The following REL variants were observed in gnomAD, a reference collection of about 807,000 sequenced individuals.
REL encodes the protein REL proto-oncogene, NF-kB subunit, also known as proto-oncogene c-Rel.
Under a neutral mutation model 45.9 loss-of-function variants are expected in REL, and 15 were observed. The observed-to-expected ratio is 0.33, with a 90% CI of 0.22 to 0.50. The LOEUF is 0.50. Ranked by LOEUF, REL falls within the 20% of genes least tolerant of loss-of-function variation. The probability of loss-of-function intolerance (pLI) is 0.98; values close to 1 mark genes in which losing one functional copy is unlikely to be tolerated. For synonymous variants in REL, 239 were observed against 242.1 expected (o/e 0.99, Z 0.12); for missense variants, 601 against 715.2 (o/e 0.84, Z 1.82).
rs1674210627 is a variant in REL at position 60,924,043 on chromosome 2, T to A, written c.*1508T>A. On this transcript the variant is annotated 3_prime_UTR_variant, in exon 10 of 10. Transcript: ENST00000394479. ...TCAGTGCTCCTCAAAGCATCAAGTA[T>A]GCACTTGCCTTGGACAGTCTGTACT... 4.3e-6 allele frequency: 1 copy of A among 232,518 alleles called. No individual in the cohort carries two copies. The highest frequency in any genetic ancestry group is 2.2e-5 in the African/African-American group (1 of 45,294). 14.4% of individuals were successfully genotyped at this position (232,518 alleles called of 1,614,324 possible).
rs1674114312 is a variant in REL at position 60,920,554 on chromosome 2, GA to G, written c.923-15del. Reference sequence around the variant, plus strand: ...ATTTTTCAAATGACATTTAATAATGGAAAAACTTTATCCTAACAGTTAATTT... The same window carrying G: ...ATTTTTCAAATGACATTTAATAATGGAAAACTTTATCCTAACAGTTAATTT... On this transcript the variant is annotated intron_variant, in intron 8 of 9. Transcript: ENST00000394479. 3.9e-6 allele frequency: 6 copies of G among 1,557,990 alleles called. No individual in the cohort carries two copies. The highest frequency in any genetic ancestry group is 1.7e-5 in the Admixed American group (1 of 58,736).
chr2:60,906,541 C>G (rs1673655497), intron 4 of REL, among the ~76,000 whole-genome samples: 1 of 152,018 alleles, frequency 6.6e-6, no homozygotes, highest in Non-Finnish European at 1.5e-5. Context: ...AATCTGGAAG[C>G]CTTCCTTTCC....
intron 3 of REL, chr2:60,899,891 T>C (rs1214866430): frequency 6.6e-6 from 1 of 152,372 alleles, no homozygotes; most frequent in Non-Finnish European, 1.5e-5. Flanking sequence ...ATTAAACTTC[T>C]TTCTAATACA....
intron 4 of REL, among the ~76,000 whole-genome samples, chr2:60,905,295 C>T (rs779496783): frequency 1.3e-4 from 20 of 152,218 alleles, no homozygotes; most frequent in Middle Eastern, 6.8e-3. Flanking sequence ...GGGGTTTCAT[C>T]GTGTTAGCCA....
intron 1 of REL, among the ~76,000 whole-genome samples, chr2:60,884,306 C>G (rs1673018419): frequency 6.6e-6 from 1 of 151,898 alleles, no homozygotes; most frequent in African/African-American, 2.4e-5. Flanking sequence ...TAACATAAAT[C>G]ATAATCTTAT....
At chr2:60,897,663 T>C (rs1347664329) in intron 3 of REL, among the ~76,000 whole-genome samples, 1 of 152,044 alleles carries the variant, frequency 6.6e-6, no homozygotes, top group African/African-American at 2.4e-5. Context: ...CAGAGATTCT[T>C]GGTTCCTTCT....
Position 60,904,427 on chromosome 2 carries a change from C to T in REL, c.394+3344C>T, listed in dbSNP as rs929396304. On this transcript the variant is annotated intron_variant, in intron 4 of 9. Coordinates refer to ENST00000394479, the MANE Select transcript of REL (RefSeq NM_001291746.2). ...AATTAAAAAAAAAAAAAAAATTAGCCGGGCGTGGTGGCGCACACCTGTGAT... is the reference window on the plus strand; with the variant it reads ...AATTAAAAAAAAAAAAAAAATTAGCTGGGCGTGGTGGCGCACACCTGTGAT... Among the ~76,000 whole-genome samples, 23 of 149,476 alleles carry T rather than the reference C, an allele frequency of 1.5e-4. 1 individual carries two copies. The East Asian group carries it at 2.6e-3, about 17-fold the overall frequency.
chr2:60,918,414 G>A lies in REL; in HGVS notation c.661G>A (p.Val221Met), dbSNP rs1674042948. The change falls in exon 7 of 10, where the codon GTG (valine) becomes ATG (methionine). Residue 221 changes from valine to methionine, a missense_variant. By Grantham distance (21) the Val-to-Met change is conservative. Around this residue, in one of 4 missense-constraint regions of REL, gnomAD observed 241 missense variants for 347.0 expected, o/e 0.69. Coordinates refer to ENST00000394479, the MANE Select transcript of REL (RefSeq NM_001291746.2). The part of the protein sequence containing the change: ...VQKDDIEVRF[V>M]LNDWEAKGIF... ...ACTAGATGACATAGAAGTTCGTTTT[G>A]TGTTGAACGATTGGGAAGCAAAAGG... 6.2e-7 allele frequency: 1 copy of A among 1,605,670 alleles called. No homozygotes were observed. The highest frequency in any genetic ancestry group is 1.1e-5 in the South Asian group (1 of 90,810).
At chr2:60,914,017 C>T (rs1362685767) in intron 4 of REL, among the ~76,000 whole-genome samples, 1 of 152,198 alleles carries the variant, frequency 6.6e-6, no homozygotes, top group Admixed American at 6.5e-5. Flanking sequence ...CTAGGTTCAA[C>T]ACCTAGTGGA....
chr2:60,895,898 A>G (rs1188085891), intron 3 of REL, among the ~76,000 whole-genome samples: 2 of 152,212 alleles, frequency 1.3e-5, no homozygotes, highest in African/African-American at 4.8e-5. Context: ...AAACTGATAC[A>G]TTCATGCAAT....
intron 3 of REL, among the ~76,000 whole-genome samples, chr2:60,896,826 T>C (rs1240119714): frequency 2.0e-5 from 3 of 152,192 alleles, no homozygotes; most frequent in Non-Finnish European, 2.9e-5. Context: ...ACCTCACTTA[T>C]TGTCCTAATA....
chr2:60,916,241 C>T (rs1673959197), intron 4 of REL, among the ~76,000 whole-genome samples: 1 of 152,048 alleles, frequency 6.6e-6, no homozygotes, highest in African/African-American at 2.4e-5. Flanking sequence ...AGTGAAACCC[C>T]ATCTCTACAA....
In REL at chr2:60,918,522, G is replaced by C. The variant is rs748863675; in HGVS notation, c.769G>C (p.Val257Leu). 1 of 1,614,078 alleles carries C rather than the reference G, an allele frequency of 6.2e-7. No individual in the cohort carries two copies. Among genetic ancestry groups the C allele is most frequent in the East Asian group, 2.2e-5 (1 of 44,876 alleles). ...ATATTGCAAAGCTATCACAGAACCC[G>C]TAACAGTAAAAATGCAGTTGCGGAG... The part of the protein sequence containing the change: ...PPYCKAITEP[V>L]TVKMQLRRPS... Residue 257 changes from valine to leucine, a missense_variant, in exon 7 of 10, where the codon GTA (valine) becomes CTA (leucine). Physicochemically the swap from Val to Leu is conservative, Grantham distance 32. Transcript: ENST00000394479.
chr2:60,900,315 C>T (rs1204431022), intron 3 of REL: 1 of 152,364 alleles, frequency 6.6e-6, no homozygotes, highest in Non-Finnish European at 1.5e-5. Context: ...CATCTCTTTA[C>T]AGCTTTTGCT....
chr2:60,927,226 G>A lies in REL; in HGVS notation c.*4691G>A, dbSNP rs1674288335. ...TAGCTATTATTAGAAAAGGAAGGGT[G>A]AAATTGACATGGGAGTTAGTAAAAT... On this transcript the variant is annotated 3_prime_UTR_variant, in exon 10 of 10. Coordinates refer to ENST00000394479, the MANE Select transcript of REL (RefSeq NM_001291746.2). The A allele has an allele frequency of 4.4e-6, 1 of 228,214 alleles. No homozygotes were observed. The highest frequency in any genetic ancestry group is 8.7e-6 in the Non-Finnish European group (1 of 114,938). The allele number at this position is 228,214 out of a possible 1,614,324, so 14.1% of individuals were successfully genotyped here. A position where few individuals can be genotyped will look rare whatever the true frequency, so the allele number is the denominator to read the frequency against.
chr2:60,927,389 G>A lies in REL; in HGVS notation c.*4854G>A, dbSNP rs903686261. 9.5e-5 allele frequency: 22 copies of A among 231,202 alleles called. No homozygotes were observed. Among genetic ancestry groups the A allele is most frequent in the Middle Eastern group, 1.3e-3 (1 of 794 alleles). The allele number at this position is 231,202 out of a possible 1,614,324, so 14.3% of individuals were successfully genotyped here. A position where few individuals can be genotyped will look rare whatever the true frequency, so the allele number is the denominator to read the frequency against. ...CTTCCCTTTTTTACCACACACACAC[G>A]CACACATACCACAGCCCTTTGAGAC... On this transcript the variant is annotated 3_prime_UTR_variant, in exon 10 of 10. Coordinates refer to ENST00000394479, the MANE Select transcript of REL (RefSeq NM_001291746.2).
At chr2:60,910,397 G>A (rs1573335440) in intron 4 of REL, among the ~76,000 whole-genome samples, 1 of 150,820 alleles carries the variant, frequency 6.6e-6, no homozygotes, top group Non-Finnish European at 1.5e-5. Context: ...CCCGGGAGGC[G>A]GAGCTTGCAG....
intron 4 of REL, among the ~76,000 whole-genome samples, chr2:60,906,866 T>TGC (rs1673668390): frequency 6.7e-6 from 1 of 149,304 alleles, no homozygotes; most frequent in African/African-American, 2.5e-5. Flanking sequence ...TATGTGTGTG[T>TGC]GTGTGCGTGT....
At chr2:60,883,536 A>G (rs1673000202) in intron 1 of REL, among the ~76,000 whole-genome samples, 1 of 152,182 alleles carries the variant, frequency 6.6e-6, no homozygotes, top group African/African-American at 2.4e-5. Flanking sequence ...TATCAGAAAG[A>G]TTTTGTTTGG....
Sources: gnomAD v4.1 joint callset for allele counts (sites outside exome capture counted in the v4.1 genomes callset) on GRCh38, gnomAD v4.1.1 for gene constraint, gnomAD v4.1.1 regional missense constraint, MANE v1.5 for transcripts, NCBI Gene and HGNC (gene_info 2026-07-23, HGNC 2026-07-21) for gene names.